Variants in SLC9A5 observed in about 807,000 individuals in gnomAD.
The protein encoded by SLC9A5 is solute carrier family 9 member A5.
A neutral mutation model predicts 91.7 loss-of-function variants in SLC9A5; 52 were observed. That is an observed-to-expected ratio of 0.57 (90% CI 0.45 to 0.71). SLC9A5 has a LOEUF of 0.71. SLC9A5 is among the 30% of genes least tolerant of loss of function. The probability of loss-of-function intolerance (pLI) is 0.00; values close to 1 mark genes in which losing one functional copy is unlikely to be tolerated. For missense variants in SLC9A5, 871 were observed against 1,158.9 expected (o/e 0.75, Z 3.61); for synonymous variants, 419 against 474.5 (o/e 0.88, Z 1.52).
intron 12 of SLC9A5, among the ~76,000 whole-genome samples, chr16:67,260,377 A>AAAAAAAAAAAAAAAAAGG (rs2035492398): frequency 6.7e-6 from 1 of 150,158 alleles, no homozygotes; most frequent in African/African-American, 2.5e-5. Context: ...AAAAAAAAAA[A>AAAAAAAAAAAAAAAAAGG]GAGTGTGGGT....
At chr16:67,269,944 C>T (rs1282613601) in intron 15 of SLC9A5, among the ~76,000 whole-genome samples, 1 of 152,206 alleles carries the variant, frequency 6.6e-6, no homozygotes, top group Non-Finnish European at 1.5e-5. Flanking sequence ...AGCTCACACT[C>T]CTGGGCTTTG....
At chr16:67,266,024 C>A in intron 14 of SLC9A5, 64 bp from the exon 15 acceptor site, 2 of 1,593,024 alleles carry the variant, frequency 1.3e-6, no homozygotes, top group Non-Finnish European at 1.7e-6. Flanking sequence ...TGGCTTGGGG[C>A]TGTGTAGTCC....
In SLC9A5 at chr16:67,255,075, C is replaced by A; in HGVS notation, c.545C>A (p.Ser182Ter). 1 of 1,614,048 alleles carries A rather than the reference C, an allele frequency of 6.2e-7. No homozygotes were observed. Among genetic ancestry groups the A allele is most frequent in the Non-Finnish European group, 8.5e-7 (1 of 1,179,982 alleles). ...TTCCTGCTGTTTGGGAGCCTCATCT[C>A]GGCGGTGGACCCCGTGGCCGTGCTA... ...LDFLLFGSLISAVDPVAVLAV... is the reference protein window; with the variant it reads ...LDFLLFGSLI The change falls in exon 3 of 16, where the codon TCG (serine) becomes TAG (stop). Residue 182 changes from serine (S) to a stop codon, truncating the protein, a stop_gained. Transcript: ENST00000299798. LOFTEE classifies it high-confidence loss of function. The surrounding 1 kb of genome is among the most constrained non-coding windows in gnomAD (Gnocchi z 4.9).
chr16:67,270,923 G>C lies in SLC9A5; in HGVS notation c.2404G>C (p.Ala802Pro), dbSNP rs923653070. Residue 802 changes from alanine (A) to proline (P), a missense_variant, in exon 16 of 16, where the codon GCG (alanine) becomes CCG (proline). By Grantham distance (27) the Ala-to-Pro change is conservative. Coordinates refer to ENST00000299798, the MANE Select transcript of SLC9A5 (RefSeq NM_004594.3). The surrounding 1 kb of genome is among the most constrained non-coding windows in gnomAD (Gnocchi z 4.3). ...GAGCATCTCATCCCTGGAGAGCCTA[G>C]CGTCCCCTCCCTGTAACCAGGCCCC... The part of the protein sequence containing the change: ...NQSISSLESL[A>P]SPPCNQAPIL... The C allele has an allele frequency of 5.6e-6, 9 of 1,613,908 alleles. No homozygotes were observed. In the Middle Eastern group the frequency reaches 6.6e-4, roughly 118 times the overall value.
At position 67,270,395 on chromosome 16, in the gene SLC9A5, A is replaced by T. The variant is rs2035877166; in HGVS notation, c.2219-343A>T. On this transcript the variant is annotated intron_variant, in intron 15 of 15. Coordinates refer to ENST00000299798, the MANE Select transcript of SLC9A5 (RefSeq NM_004594.3). This position sits in a 1 kb window ranked among gnomAD's most constrained non-coding sequence, Gnocchi z 4.3. ...GAGACAGGGTTTCATCATGTTGGCC[A>T]GGCTGGTCACTAACTCCTGAGCTCA... Among the ~76,000 whole-genome samples, 1 of 152,134 alleles carries T rather than the reference A, an allele frequency of 6.6e-6. No individual in the cohort carries two copies. The highest frequency in any genetic ancestry group is 6.5e-5 in the Admixed American group (1 of 15,270).
chr16:67,254,426 T>C (rs896625751), intron 2 of SLC9A5, among the ~76,000 whole-genome samples: 4 of 152,236 alleles, frequency 2.6e-5, no homozygotes, highest in Non-Finnish European at 4.4e-5. Context: ...AGACTGAGTC[T>C]CACTGTGTCA....
At position 67,266,855 on chromosome 16, in the gene SLC9A5, T is replaced by C. The variant is rs544978140; in HGVS notation, c.2218+630T>C. Among the ~76,000 whole-genome samples, 61 of 150,658 alleles carry C rather than the reference T, an allele frequency of 4.0e-4. 2 individuals carry two copies. In the South Asian group the frequency reaches 5.6e-3, roughly 14 times the overall value. On this transcript the variant is annotated intron_variant, in intron 15 of 15. Transcript: ENST00000299798. ...CATGCCCGGCCTATTCTTTTCTTTTTTTTTTTTTTTTTAAATGCCATTCTT... is the reference window on the plus strand; with the variant it reads ...CATGCCCGGCCTATTCTTTTCTTTTCTTTTTTTTTTTTAAATGCCATTCTT...
chr16:67,256,871 T>C lies in SLC9A5; in HGVS notation c.1133-40T>C, dbSNP rs1050361190. The stretch of plus-strand genomic sequence containing the variant: ...TCCCATCCGGTCCCACGTCCTCCAC[T>C]CCCAACGCTTTGCTCCCACTGGCCT... On this transcript the variant is annotated intron_variant, in intron 6 of 15. Transcript: ENST00000299798. The surrounding 1 kb of genome is among the most constrained non-coding windows in gnomAD (Gnocchi z 4.1). 6.2e-7 allele frequency: 1 copy of C among 1,600,396 alleles called. No homozygotes were observed. Among genetic ancestry groups the C allele is most frequent in the African/African-American group, 1.3e-5 (1 of 74,780 alleles).
In SLC9A5 at chr16:67,249,074, C is replaced by T. The variant is rs1202998991; in HGVS notation, c.60C>T (p.Pro20=). Residue 20 remains proline (P), a synonymous_variant, in exon 1 of 16, where the codon CCC becomes CCT. Coordinates refer to ENST00000299798, the MANE Select transcript of SLC9A5 (RefSeq NM_004594.3). ...ALPLAGAAEE[P]TQKPESPGEP... ...CCCTGGCGGGGGCGGCCGAAGAGCC[C>T]ACCCAGAAGCCAGAGTCCCCGGGCG... is the stretch of plus-strand genomic sequence containing the variant. 1.7e-5 allele frequency: 26 copies of T among 1,527,142 alleles called. No homozygotes were observed. Among genetic ancestry groups the T allele is most frequent in the Non-Finnish European group, 2.3e-5 (26 of 1,143,972 alleles). 94.6% of individuals were successfully genotyped at this position (1,527,142 alleles called of 1,614,324 possible). A position where few individuals can be genotyped will look rare whatever the true frequency, so the allele number is the denominator to read the frequency against.
At chr16:67,266,317 C>T in intron 15 of SLC9A5, 92 bp downstream of exon 15, 1 of 1,270,074 alleles carries the variant, frequency 7.9e-7, no homozygotes, top group Non-Finnish European at 1.1e-6. Flanking sequence ...ACTCCCTTTT[C>T]CTATTCACTA....
In SLC9A5 at chr16:67,270,661, T is replaced by C; in HGVS notation, c.2219-77T>C. The C allele has an allele frequency of 2.8e-6, 3 of 1,067,856 alleles. No individual in the cohort carries two copies. The highest frequency in any genetic ancestry group is 4.0e-6 in the Non-Finnish European group (3 of 749,968). 66.1% of individuals were successfully genotyped at this position (1,067,856 alleles called of 1,614,324 possible). A position where few individuals can be genotyped will look rare whatever the true frequency, so the allele number is the denominator to read the frequency against. On this transcript the variant is annotated intron_variant, in intron 15 of 15. Coordinates refer to ENST00000299798, the MANE Select transcript of SLC9A5 (RefSeq NM_004594.3). The surrounding 1 kb of genome is among the most constrained non-coding windows in gnomAD (Gnocchi z 4.3). ...TGGACGGCATATGGAAACTGTGGCA[T>C]GAATTTATAAGAATGTGCTTATACT...
chr16:67,254,541 C>A (rs917569055), intron 2 of SLC9A5, among the ~76,000 whole-genome samples: 1 of 141,172 alleles, frequency 7.1e-6, no homozygotes, highest in Non-Finnish European at 1.6e-5. Context: ...GGATTACAGG[C>A]CTGCACCACT....
chr16:67,265,941 C>T, intron 14 of SLC9A5, 147 bp from the exon 15 acceptor site: 1 of 1,024,444 alleles, frequency 9.8e-7, no homozygotes, highest in Non-Finnish European at 1.4e-6. Context: ...CCTCTTAGGC[C>T]AGTGCTTGAA....
intron 15 of SLC9A5, 83 bp downstream of exon 15, chr16:67,266,308 C>G: frequency 7.5e-7 from 1 of 1,330,736 alleles, no homozygotes. Flanking sequence ...CTCCAGACAA[C>G]TCCCTTTTCC....
rs200651669 is a variant in SLC9A5 at position 67,256,874 on chromosome 16, C to T, written c.1133-37C>T. ...CATCCGGTCCCACGTCCTCCACTCC[C>T]AACGCTTTGCTCCCACTGGCCTCCC... On this transcript the variant is annotated intron_variant, in intron 6 of 15. Coordinates refer to ENST00000299798, the MANE Select transcript of SLC9A5 (RefSeq NM_004594.3). The surrounding 1 kb of genome is among the most constrained non-coding windows in gnomAD (Gnocchi z 4.1). 5 of 1,603,522 alleles carry T rather than the reference C, an allele frequency of 3.1e-6. No homozygotes were observed. The East Asian group carries it at 1.1e-4, about 36-fold the overall frequency.
intron 15 of SLC9A5, among the ~76,000 whole-genome samples, chr16:67,267,288 G>A (rs2035754314): frequency 6.6e-6 from 1 of 151,978 alleles, no homozygotes; most frequent in Non-Finnish European, 1.5e-5. Context: ...GTGTCTCCAT[G>A]TTGGTCAGGC....
rs762466239 is a variant in SLC9A5 at position 67,257,000 on chromosome 16, C to T, written c.1222C>T (p.Arg408Trp). 6 of 1,613,902 alleles carry T rather than the reference C, an allele frequency of 3.7e-6. No individual in the cohort carries two copies. The highest frequency in any genetic ancestry group is 8.5e-7 in the Non-Finnish European group (1 of 1,179,994). The change falls in exon 7 of 16, where the codon CGG becomes TGG. Residue 408 changes from arginine to tryptophan, a missense_variant. Arg to Trp is a moderately radical substitution (Grantham distance 101, BLOSUM62 -3). Coordinates refer to ENST00000299798, the MANE Select transcript of SLC9A5 (RefSeq NM_004594.3). This position sits in a 1 kb window ranked among gnomAD's most constrained non-coding sequence, Gnocchi z 4.1. ...DQVVMSYGGL[R>W]GAVAFALVIL... ...AGTGGTGATGTCCTATGGGGGCCTG[C>T]GGGGGGCTGTGGCCTTTGCTCTCGT...
rs374927354 is a variant in SLC9A5 at position 67,271,036 on chromosome 16, C to T, written c.2517C>T (p.Phe839=). 25 of 1,612,606 alleles carry T rather than the reference C, an allele frequency of 1.6e-5. No individual in the cohort carries two copies. Among genetic ancestry groups the T allele is most frequent in the South Asian group, 5.5e-5 (5 of 90,976 alleles). Residue 839 remains phenylalanine, a synonymous_variant, in exon 16 of 16, where the codon TTC becomes TTT. Coordinates refer to ENST00000299798, the MANE Select transcript of SLC9A5 (RefSeq NM_004594.3). ...LHLPSDPRSS[F]AFPPSLAKAG... Reference sequence around the variant, plus strand: ...TACCTTCTGATCCACGCTCTAGCTTCGCCTTCCCACCGAGCCTGGCCAAGG... The same window carrying T: ...TACCTTCTGATCCACGCTCTAGCTTTGCCTTCCCACCGAGCCTGGCCAAGG...
Position 67,270,977 on chromosome 16 carries a change from C to T in SLC9A5, c.2458C>T (p.Arg820Trp), listed in dbSNP as rs373074223. The change falls in exon 16 of 16, where the codon CGG becomes TGG. Residue 820 changes from arginine (R) to tryptophan (W), a missense_variant. By Grantham distance (101) the Arg-to-Trp change is moderately radical. Transcript: ENST00000299798. The surrounding 1 kb of genome is among the most constrained non-coding windows in gnomAD (Gnocchi z 4.3). ...TCTGACCTGCCTGCCTCCCCATCCA[C>T]GGGGCACTGAAGAGCCCCAGGTCCC... is the stretch of plus-strand genomic sequence containing the variant. ...PILTCLPPHP[R>W]GTEEPQVPLH... is the part of the protein sequence containing the mutation. 1.4e-5 allele frequency: 22 copies of T among 1,613,882 alleles called. No homozygotes were observed. The highest frequency in any genetic ancestry group is 2.2e-5 in the South Asian group (2 of 91,074).
Sources: allele counts gnomAD v4.1 joint callset (sites outside exome capture counted in the v4.1 genomes callset), GRCh38; gene constraint gnomAD v4.1.1; non-coding constraint Gnocchi (gnomAD v3.1); transcripts MANE v1.5; gene names NCBI Gene and HGNC (gene_info 2026-07-23, HGNC 2026-07-21).